Variants in ZYG11B observed in about 807,000 individuals in gnomAD.
ZYG11B encodes zyg-11 family member B, cell cycle regulator.
In ZYG11B, 36 loss-of-function variants were observed where a neutral mutation model predicts 82.4. The observed-to-expected ratio is 0.44, with a 90% CI of 0.33 to 0.58. The LOEUF (loss-of-function observed/expected upper bound fraction) is 0.58. ZYG11B is among the 20% of genes least tolerant of loss of function. ZYG11B has a pLI of 0.02. For missense variants in ZYG11B, 552 were observed against 895.6 expected (o/e 0.62, Z 4.90); for synonymous variants, 303 against 312.8 (o/e 0.97, Z 0.33).
At chr1:52,801,585 A>G (rs1468842527) in intron 8 of ZYG11B, among the ~76,000 whole-genome samples, 2 of 152,256 alleles carry the variant, frequency 1.3e-5, no homozygotes, top group East Asian at 1.9e-4. Context: ...TGCCTATGTT[A>G]TTTATGGGTG....
Position 52,776,229 on chromosome 1 carries a change from A to AAAAAAAATATAT in ZYG11B, c.952-3623_952-3622insAAAAAATATATA. 1.7e-4 allele frequency among the ~76,000 whole-genome samples: 4 copies of AAAAAAAATATAT among 23,542 alleles called. 1 individual carries two copies. Among genetic ancestry groups the AAAAAAAATATAT allele is most frequent in the African/African-American group, 1.9e-4 (2 of 10,552 alleles). The allele number at this position is 23,542 out of a possible 152,430, so 15.4% of individuals were successfully genotyped here. ...AGCAAAACTCTGTCTTAAAAAAAAAAATATATATATATATATGCAATAAAG... is the reference window on the plus strand; with the variant it reads ...AGCAAAACTCTGTCTTAAAAAAAAAAAAAAAAATATATATATATATATATATATGCAATAAAG... On this transcript the variant is annotated intron_variant, in intron 3 of 13. Transcript: ENST00000294353.
chr1:52,745,869 TTTTGTTTTG>T (rs911733110), intron 1 of ZYG11B, among the ~76,000 whole-genome samples: 1 of 150,338 alleles, frequency 6.7e-6, no homozygotes, highest in Admixed American at 6.6e-5. Context: ...CAGCTGTTTT[TTTTGTTTTG>T]TTTTGTTTTG....
chr1:52,775,377 A>T (rs980211786), intron 3 of ZYG11B, among the ~76,000 whole-genome samples: 3 of 150,666 alleles, frequency 2.0e-5, no homozygotes, highest in African/African-American at 7.3e-5. Context: ...GGATTGCTTG[A>T]GCTCAGGAGT....
At chr1:52,746,525 G>C (rs1400958027) in intron 1 of ZYG11B, among the ~76,000 whole-genome samples, 1 of 151,800 alleles carries the variant, frequency 6.6e-6, no homozygotes, top group African/African-American at 2.4e-5. Flanking sequence ...GTGATAAAGG[G>C]ACTTCCCTAG....
rs1644284130 is a variant in ZYG11B, at chr1:52,726,478, C to CGGCTGT, written c.-171_-170insTGGCTG. 1.9e-6 allele frequency: 1 copy of CGGCTGT among 519,458 alleles called. No homozygotes were observed. The highest frequency in any genetic ancestry group is 2.0e-5 in the African/African-American group (1 of 49,364). The allele number at this position is 519,458 out of a possible 1,614,324, so 32.2% of individuals were successfully genotyped here. A position where few individuals can be genotyped will look rare whatever the true frequency, so the allele number is the denominator to read the frequency against. On this transcript the variant is annotated 5_prime_UTR_variant, in exon 1 of 14. Transcript: ENST00000294353. ...GGAGTCTGCGCTCTGGTTCGGGCTG[C>CGGCTGT]GGCTGCGGCTGCGGCTGCGGCTGCT...
chr1:52,781,821 G>A (rs1644859015), intron 4 of ZYG11B, among the ~76,000 whole-genome samples: 1 of 152,154 alleles, frequency 6.6e-6, no homozygotes, highest in Non-Finnish European at 1.5e-5. Flanking sequence ...CTGAGAATGA[G>A]GCGCTTGGGT....
intron 1 of ZYG11B, among the ~76,000 whole-genome samples, chr1:52,748,886 A>C (rs1644498307): frequency 7.7e-6 from 1 of 129,046 alleles, no homozygotes; most frequent in Non-Finnish European, 1.6e-5. Context: ...TGGGCAACAG[A>C]GTGAGCTTCC....
intron 2 of ZYG11B, among the ~76,000 whole-genome samples, chr1:52,763,630 T>G (rs1644655932): frequency 6.6e-6 from 1 of 152,138 alleles, no homozygotes; most frequent in Admixed American, 6.6e-5. Context: ...AGTAGCAGTC[T>G]TAATTAAAAT....
chr1:52,764,192 C>T (rs543514358), intron 2 of ZYG11B, among the ~76,000 whole-genome samples: 1 of 152,184 alleles, frequency 6.6e-6, no homozygotes, highest in Admixed American at 6.5e-5. Flanking sequence ...GGCACTATCT[C>T]GGCTCACTGC....
At position 52,779,875 on chromosome 1, in the gene ZYG11B, C is replaced by T. The variant is rs760619777; in HGVS notation, c.974C>T (p.Thr325Ile). 1.1e-5 allele frequency: 18 copies of T among 1,613,954 alleles called. No homozygotes were observed. The South Asian group carries it at 1.9e-4, about 17-fold the overall frequency. The change falls in exon 4 of 14, where the codon ACT becomes ATT. Residue 325 changes from threonine (T) to isoleucine (I), a missense_variant. By Grantham distance (89) the Thr-to-Ile change is moderately conservative. Transcript: ENST00000294353. ...HLKVSGEANE[T>I]QIAEALKRYS... ...CAGGTGTCTGGGGAAGCCAATGAAA[C>T]TCAGATTGCAGAAGCACTGAAGCGT...
At chr1:52,750,298 G>A (rs547075466) in intron 1 of ZYG11B, among the ~76,000 whole-genome samples, 1 of 147,818 alleles carries the variant, frequency 6.8e-6, no homozygotes, top group South Asian at 2.1e-4. Flanking sequence ...TTGAGACGGA[G>A]TTTCACTCTT....
chr1:52,803,233 TATATATAC>T (rs1558140557), intron 10 of ZYG11B, among the ~76,000 whole-genome samples: 1 of 74,188 alleles, frequency 1.3e-5, no homozygotes, highest in African/African-American at 1.1e-4. Context: ...TACACACATA[TATATATAC>T]ACACACACAT....
chr1:52,733,670 TC>T (rs1346587886), intron 1 of ZYG11B, among the ~76,000 whole-genome samples: 20 of 152,262 alleles, frequency 1.3e-4, no homozygotes, highest in African/African-American at 4.3e-4. Context: ...GATCAATCAA[TC>T]AATCAATCAG....
rs145004748 is a variant in ZYG11B at position 52,752,809 on chromosome 1, G to A, written c.31-3649G>A. Among the ~76,000 whole-genome samples the A allele has an allele frequency of 7.3e-3, 1,116 of 151,954 alleles. 9 individuals carry two copies. The highest frequency in any genetic ancestry group is 0.014 in the Middle Eastern group (4 of 294). On this transcript the variant is annotated intron_variant, in intron 1 of 13. Coordinates refer to ENST00000294353, the MANE Select transcript of ZYG11B (RefSeq NM_024646.3). ...GGCGTGGGAAAAGCCCAGAAATTTG[G>A]TGTCAGTAGTGTTGTGAGTAAAAAC...
chr1:52,797,426 AT>A (rs576524886), intron 8 of ZYG11B, among the ~76,000 whole-genome samples: 4,252 of 102,690 alleles, frequency 0.041, 235 homozygotes, highest in African/African-American at 0.16. Flanking sequence ...TATTATACAT[AT>A]TATATATAAC....
intron 1 of ZYG11B, among the ~76,000 whole-genome samples, chr1:52,728,351 AG>A (rs1644302194): frequency 6.6e-6 from 1 of 152,170 alleles, no homozygotes; most frequent in Admixed American, 6.6e-5. Flanking sequence ...TGAACTCCTG[AG>A]GTCAAGTGAT....
chr1:52,772,649 G>T, intron 3 of ZYG11B: 2 of 862,540 alleles, frequency 2.3e-6, no homozygotes, highest in Non-Finnish European at 2.0e-6. Flanking sequence ...TACGACCCAT[G>T]ATGGCGGCGA....
At chr1:52,730,481 A>G (rs1167419840) in intron 1 of ZYG11B, among the ~76,000 whole-genome samples, 1 of 152,038 alleles carries the variant, frequency 6.6e-6, no homozygotes, top group Admixed American at 6.6e-5. Flanking sequence ...AGTGTGCTCT[A>G]TTATGTGCAG....
intron 2 of ZYG11B, among the ~76,000 whole-genome samples, chr1:52,765,845 T>C (rs1644678603): frequency 6.6e-6 from 1 of 152,200 alleles, no homozygotes; most frequent in African/African-American, 2.4e-5. Context: ...GTCTTTCTCC[T>C]GTCCTTGAGA....
Sources: allele counts gnomAD v4.1 joint callset (sites outside exome capture counted in the v4.1 genomes callset), GRCh38; gene constraint gnomAD v4.1.1; transcripts MANE v1.5; gene names NCBI Gene and HGNC (gene_info 2026-07-23, HGNC 2026-07-21).